PCID2: variants seen among roughly 807,000 people sequenced by gnomAD.
PCID2 encodes the protein PCI domain containing 2.
Under a neutral mutation model 61.3 loss-of-function variants are expected in PCID2, and 41 were observed. That is an observed-to-expected ratio of 0.67 (90% CI 0.52 to 0.87). The LOEUF (loss-of-function observed/expected upper bound fraction) is 0.87. Ranked by LOEUF, PCID2 falls within the 40% of genes least tolerant of loss-of-function variation. The pLI, the probability that PCID2 is intolerant of heterozygous loss-of-function variation, is 0.00. For synonymous variants in PCID2, 187 were observed against 177.8 expected (o/e 1.05, Z -0.41); for missense variants, 392 against 493.4 (o/e 0.79, Z 1.95).
chr13:113,178,279 GA>G lies in PCID2; in HGVS notation c.1118del (p.Val373AlafsTer37). 6.2e-7 allele frequency: 1 copy of G among 1,613,210 alleles called. No homozygotes were observed. On this transcript the variant is annotated frameshift_variant, in exon 14 of 14. Coordinates refer to ENST00000337344, the MANE Select transcript of PCID2 (RefSeq NM_001127202.4). LOFTEE classifies it high-confidence loss of function. ...GATGCTGATGCGATATGTAGCCTTTGACGTGTCCCTGCGGGGCAGAAAGGGA... is the reference window on the plus strand; with the variant it reads ...GATGCTGATGCGATATGTAGCCTTTGCGTGTCCCTGCGGGGCAGAAAGGGA... ...ILANLIYMGH[V>X]KGYISHQHQK... is the part of the protein sequence containing the mutation.
At chr13:113,177,038 C>T (rs1051216089), downstream of PCID2, among the ~76,000 whole-genome samples, 6 of 152,242 alleles carry the variant, frequency 3.9e-5, no homozygotes, top group African/African-American at 9.6e-5. Flanking sequence ...CGAAGGGACG[C>T]GCTCAGGGGC....
intron 10 of PCID2, 70 bp downstream of exon 10, chr13:113,181,059 TA>T: frequency 3.9e-6 from 4 of 1,028,276 alleles, no homozygotes; most frequent in Non-Finnish European, 4.6e-6. Flanking sequence ...TGCTAGGTTT[TA>T]AAAAAACCTA....
At chr13:113,198,609 G>A (rs1323682352) in intron 2 of PCID2, among the ~76,000 whole-genome samples, 3 of 152,180 alleles carry the variant, frequency 2.0e-5, no homozygotes, top group Non-Finnish European at 4.4e-5. Flanking sequence ...GGAGGCTGAG[G>A]CATGAGAATC....
intron 1 of PCID2, 71 bp from the exon 2 acceptor site, chr13:113,200,587 A>G (rs752774321): frequency 7.9e-5 from 74 of 941,808 alleles, no homozygotes; most frequent in Non-Finnish European, 1.2e-4. Flanking sequence ...ACAACAATAC[A>G]CTGAATGCCA....
intron 7 of PCID2, chr13:113,188,153 T>C (rs2038288105): frequency 6.6e-6 from 1 of 152,160 alleles, no homozygotes; most frequent in Admixed American, 6.5e-5. Flanking sequence ...TGAGAGGCTT[T>C]AGAGAAGGCG....
the PCID2 span, chr13:113,166,554 C>T: frequency 6.6e-6 from 1 of 152,198 alleles, no homozygotes; most frequent in African/African-American, 2.4e-5. Context: ...GGATGGAGCT[C>T]AAGGACTTGA....
intron 7 of PCID2, chr13:113,186,661 G>A (rs1303230792): frequency 6.6e-6 from 1 of 152,148 alleles, no homozygotes; most frequent in African/African-American, 2.4e-5. Flanking sequence ...CATCTTTTCT[G>A]TGTTTAGATC....
chr13:113,196,157 T>C lies in PCID2; in HGVS notation c.308+24A>G, dbSNP rs772140454. The C allele has an allele frequency of 1.3e-5, 21 of 1,585,172 alleles. 1 individual carries two copies. Among genetic ancestry groups the C allele is most frequent in the Non-Finnish European group, 1.7e-5 (20 of 1,156,580 alleles). ...GCTAAAAAAATTGCCATTTGCTAAT[T>C]CAGCTGTTTCTGTTCACACTTACCA... On this transcript the variant is annotated intron_variant, in intron 5 of 13. Transcript: ENST00000337344.
chr13:113,202,237 A>G (rs115397401), intron 1 of PCID2, among the ~76,000 whole-genome samples: 2,824 of 152,316 alleles, frequency 0.019, 82 homozygotes, highest in African/African-American at 0.063. Context: ...AGTTCAACAC[A>G]CTGGAGCCCA....
downstream of PCID2, among the ~76,000 whole-genome samples, chr13:113,176,603 A>G (rs879752623): frequency 7.7e-4 from 7 of 9,136 alleles, no homozygotes; most frequent in Non-Finnish European, 3.7e-3. Context: ...TCTCTACAAA[A>G]AATAAAAAAA....
chr13:113,181,243 C>A lies in PCID2; in HGVS notation c.686-13G>T. 4 of 1,576,166 alleles carry A rather than the reference C, an allele frequency of 2.5e-6. No individual in the cohort carries two copies. The highest frequency in any genetic ancestry group is 3.5e-6 in the Non-Finnish European group (4 of 1,145,940). ...AGGTACTCCTCAGCTGCAAAGAAGGCAGAGCCAGCACGCATGAGACCAACG... is the reference window on the plus strand; with the variant it reads ...AGGTACTCCTCAGCTGCAAAGAAGGAAGAGCCAGCACGCATGAGACCAACG... On this transcript the variant is annotated splice_polypyrimidine_tract_variant and intron_variant, in intron 9 of 13. Coordinates refer to ENST00000337344, the MANE Select transcript of PCID2 (RefSeq NM_001127202.4).
At chr13:113,200,747 C>T (rs1230160453) in intron 1 of PCID2, 49 of 323,514 alleles carry the variant, frequency 1.5e-4, no homozygotes, top group Non-Finnish European at 4.4e-5. Context: ...TCGCCCAGGT[C>T]GGACTGCGGA....
At chr13:113,171,705 A>T in the PCID2 span, 1 of 1,613,762 alleles carries the variant, frequency 6.2e-7, no homozygotes, top group Non-Finnish European at 8.5e-7. This position sits in a 1 kb window ranked among gnomAD's most constrained non-coding sequence, Gnocchi z 5.1. Flanking sequence ...CTGGAGCTGG[A>T]GTGGCCCATC....
chr13:113,170,521 G>A, the PCID2 span: 1 of 1,538,932 alleles, frequency 6.5e-7, no homozygotes. Context: ...GAATATTACT[G>A]TAAAAACATG....
At chr13:113,206,116 G>A (rs1057252492) in intron 1 of PCID2, among the ~76,000 whole-genome samples, 1 of 152,164 alleles carries the variant, frequency 6.6e-6, no homozygotes, top group African/African-American at 2.4e-5. Flanking sequence ...AGTAACAGAG[G>A]CAGATGCTCA....
intron 9 of PCID2, 116 bp from the exon 10 acceptor site, chr13:113,181,346 T>C: frequency 1.6e-6 from 1 of 615,882 alleles, no homozygotes; most frequent in Non-Finnish European, 2.9e-6. Flanking sequence ...CCTCCCTTTA[T>C]TATCTCAAAA....
intron 1 of PCID2, among the ~76,000 whole-genome samples, chr13:113,202,628 G>C (rs2039512323): frequency 6.6e-6 from 1 of 152,196 alleles, no homozygotes; most frequent in Non-Finnish European, 1.5e-5. Flanking sequence ...TTGTAAAAGA[G>C]TATGTATAGA....
At position 113,179,904 on chromosome 13, in the gene PCID2, G is replaced by A. The variant is rs367549104; in HGVS notation, c.986+13C>T. ...GCCACACTGGGAGCCCAATGTGCCG[G>A]GGAAATGCTTACACTTTCTTAAAGA... On this transcript the variant is annotated intron_variant, in intron 12 of 13. Transcript: ENST00000337344. The surrounding 1 kb of genome is among the most constrained non-coding windows in gnomAD (Gnocchi z 4.3). 7.2e-5 allele frequency: 116 copies of A among 1,608,570 alleles called. No homozygotes were observed. The highest frequency in any genetic ancestry group is 9.4e-5 in the Non-Finnish European group (111 of 1,177,202).
chr13:113,172,764 A>G (rs1439385349), downstream of PCID2, among the ~76,000 whole-genome samples: 3 of 152,218 alleles, frequency 2.0e-5, no homozygotes, highest in African/African-American at 7.2e-5. Context: ...GCCCGAAGTC[A>G]GGGCTGAGCA....
Sources: allele counts gnomAD v4.1 joint callset (sites outside exome capture counted in the v4.1 genomes callset), GRCh38; gene constraint gnomAD v4.1.1; non-coding constraint Gnocchi (gnomAD v3.1); transcripts MANE v1.5; gene names NCBI Gene and HGNC (gene_info 2026-07-23, HGNC 2026-07-21).